Variants in PLEKHG1 observed in about 807,000 individuals in gnomAD.
The protein encoded by PLEKHG1 is pleckstrin homology and RhoGEF domain containing G1, also known as pleckstrin homology domain-containing family G member 1.
PLEKHG1 carries 44 observed loss-of-function variants against 100.8 expected under a neutral mutation model. The observed-to-expected ratio is 0.44, with a 90% confidence interval of 0.34 to 0.56. PLEKHG1 has a LOEUF of 0.56. Ranked by LOEUF, PLEKHG1 falls within the 20% of genes least tolerant of loss-of-function variation. The pLI, the probability that PLEKHG1 is intolerant of heterozygous loss-of-function variation, is 0.01. For missense variants in PLEKHG1, 1,545 were observed against 1,720.9 expected, an observed-to-expected ratio of 0.90 and a Z score of 1.81; for synonymous variants, 640 against 662.5, an observed-to-expected ratio of 0.97 and a Z score of 0.52.
chr6:150,769,826 C>A (rs1375042507), intron 3 of PLEKHG1, among the ~76,000 whole-genome samples: 1 of 152,120 alleles, frequency 6.6e-6, no homozygotes, highest in African/African-American at 2.4e-5. Flanking sequence ...ACCTCCTCCA[C>A]TTTTCCTTTT....
chr6:150,608,216 T>G (rs1776682990), intron 1 of PLEKHG1, among the ~76,000 whole-genome samples: 1 of 152,226 alleles, frequency 6.6e-6, no homozygotes, highest in East Asian at 1.9e-4. Context: ...ACACTCTTAT[T>G]TTTCTTTGTT....
In PLEKHG1 at chr6:150,725,543, C is replaced by T. The variant is rs539079694; in HGVS notation, c.-99+4343C>T. On this transcript the variant is annotated intron_variant, in intron 1 of 15. Transcript: ENST00000358517. ...CTTCTTGTACAAATATGTGCTTTAACGCCTTGTTGGATGCATGGTTTGCAA... is the reference window on the plus strand; with the variant it reads ...CTTCTTGTACAAATATGTGCTTTAATGCCTTGTTGGATGCATGGTTTGCAA... 1.9e-4 allele frequency among the ~76,000 whole-genome samples: 29 copies of T among 152,282 alleles called. 1 individual carries two copies. In the South Asian group the frequency reaches 5.2e-3, roughly 27 times the overall value.
chr6:150,641,526 T>A (rs1778256452), intron 2 of PLEKHG1, among the ~76,000 whole-genome samples: 1 of 152,242 alleles, frequency 6.6e-6, no homozygotes, highest in Non-Finnish European at 1.5e-5. Flanking sequence ...ATGTCAGTTG[T>A]CTCTCTTACT....
At chr6:150,764,964 C>A (rs1554269783) in intron 2 of PLEKHG1, among the ~76,000 whole-genome samples, 1 of 150,726 alleles carries the variant, frequency 6.6e-6, no homozygotes, top group East Asian at 1.9e-4. Flanking sequence ...TTTTTTAATT[C>A]TTATCCTGTA....
At chr6:150,812,271 T>C (rs1752067855) in intron 10 of PLEKHG1, among the ~76,000 whole-genome samples, 1 of 152,078 alleles carries the variant, frequency 6.6e-6, no homozygotes, top group Non-Finnish European at 1.5e-5. Context: ...CCCTAAGGTT[T>C]AATAAGATGG....
intron 3 of PLEKHG1, among the ~76,000 whole-genome samples, chr6:150,674,451 C>A (rs1031706798): frequency 5.9e-5 from 9 of 152,100 alleles, no homozygotes; most frequent in Non-Finnish European, 1.2e-4. Context: ...AATTAACCTG[C>A]AATCAGGAAG....
chr6:150,777,322 G>A (rs991846330), intron 3 of PLEKHG1, among the ~76,000 whole-genome samples: 4 of 149,706 alleles, frequency 2.7e-5, no homozygotes, highest in Non-Finnish European at 4.4e-5. Flanking sequence ...ATGTGCAGTT[G>A]CACATTACTC....
At chr6:150,760,926 T>C (rs1030215871) in intron 2 of PLEKHG1, among the ~76,000 whole-genome samples, 5 of 152,138 alleles carry the variant, frequency 3.3e-5, no homozygotes, top group Non-Finnish European at 5.9e-5. Context: ...ACTTTTCTAA[T>C]TGTTATACCG....
intron 6 of PLEKHG1, among the ~76,000 whole-genome samples, chr6:150,803,485 C>G: frequency 6.6e-6 from 1 of 152,156 alleles, no homozygotes; most frequent in East Asian, 1.9e-4. Context: ...ATTCTCTATC[C>G]TTAGACTCTT....
At chr6:150,634,420 A>G (rs975304491) in intron 1 of PLEKHG1, among the ~76,000 whole-genome samples, 12 of 152,136 alleles carry the variant, frequency 7.9e-5, no homozygotes, top group African/African-American at 2.9e-4. Flanking sequence ...GGGGAGAAAA[A>G]GGATGGGAAG....
At chr6:150,803,472 A>G (rs568208796) in intron 6 of PLEKHG1, among the ~76,000 whole-genome samples, 102 of 152,338 alleles carry the variant, frequency 6.7e-4, no homozygotes, top group South Asian at 1.7e-3. Flanking sequence ...AACTATATAC[A>G]ATATTCTCTA....
At chr6:150,806,156 A>G (rs975529491) in intron 7 of PLEKHG1, among the ~76,000 whole-genome samples, 5 of 149,902 alleles carry the variant, frequency 3.3e-5, no homozygotes, top group African/African-American at 1.2e-4. Context: ...ATAGGCAGCC[A>G]GAGTGTGGTG....
chr6:150,722,970 A>AT (rs946863094), intron 1 of PLEKHG1, among the ~76,000 whole-genome samples: 4 of 152,086 alleles, frequency 2.6e-5, no homozygotes, highest in African/African-American at 9.7e-5. Context: ...ACAAATAGAG[A>AT]TTTTTTTAGC....
At chr6:150,624,032 C>T (rs1378320115) in intron 1 of PLEKHG1, among the ~76,000 whole-genome samples, 1 of 152,198 alleles carries the variant, frequency 6.6e-6, no homozygotes, top group Non-Finnish European at 1.5e-5. Flanking sequence ...TCTTAAGCTT[C>T]TGGAACCATA....
At chr6:150,659,436 C>T (rs957318723) in intron 3 of PLEKHG1, among the ~76,000 whole-genome samples, 2 of 152,122 alleles carry the variant, frequency 1.3e-5, no homozygotes, top group East Asian at 3.8e-4. Context: ...CACAGCTCAC[C>T]TCTTCATTGG....
At chr6:150,649,901 G>A (rs767884824) in intron 2 of PLEKHG1, among the ~76,000 whole-genome samples, 4 of 152,110 alleles carry the variant, frequency 2.6e-5, no homozygotes, top group Non-Finnish European at 4.4e-5. Flanking sequence ...AGTCCCAGCT[G>A]CTGGGGAGGC....
chr6:150,738,972 TTGTTTAA>T (rs1782708602), intron 2 of PLEKHG1, among the ~76,000 whole-genome samples: 1 of 152,160 alleles, frequency 6.6e-6, no homozygotes, highest in Non-Finnish European at 1.5e-5. Flanking sequence ...AAATAAGGGT[TTGTTTAA>T]TGTTTAATGG....
exon 16 of PLEKHG1, chr6:150,840,848 G>A: frequency 6.2e-7 from 1 of 1,613,170 alleles, no homozygotes; most frequent in Non-Finnish European, 8.5e-7. Flanking sequence ...ATATTGTCCA[G>A]TCTCTAAGGG....
chr6:150,722,675 A>G (rs1157496274), intron 1 of PLEKHG1, among the ~76,000 whole-genome samples: 1 of 152,058 alleles, frequency 6.6e-6, no homozygotes, highest in African/African-American at 2.4e-5. Context: ...TTAAAAGAAC[A>G]TGTCTAATGT....
Sources: allele counts gnomAD v4.1 joint callset (sites outside exome capture counted in the v4.1 genomes callset), GRCh38; gene constraint gnomAD v4.1.1; transcripts MANE v1.5; gene names NCBI Gene and HGNC (gene_info 2026-07-23, HGNC 2026-07-21).